The following CDK13 variants were observed in gnomAD, a reference collection of about 807,000 sequenced individuals.
CDK13 encodes cyclin dependent kinase 13.
CDK13 carries 40 observed loss-of-function variants against 137.6 expected under a neutral mutation model. The observed-to-expected ratio is 0.29, with a 90% CI of 0.23 to 0.38. The LOEUF (loss-of-function observed/expected upper bound fraction) is 0.38, where lower values mean the gene tolerates loss of function less well. Ranked by LOEUF, CDK13 falls within the 10% of genes least tolerant of loss-of-function variation. The pLI, the probability that CDK13 is intolerant of heterozygous loss-of-function variation, is 1.00. For missense variants in CDK13, 1,704 were observed against 1,951.8 expected, an observed-to-expected ratio of 0.87 and a Z score of 2.39; for synonymous variants, 869 against 760.1, an observed-to-expected ratio of 1.14 and a Z score of -2.36.
At chr7:39,971,151 T>C (rs932397540) in intron 1 of CDK13, among the ~76,000 whole-genome samples, 1 of 152,268 alleles carries the variant, frequency 6.6e-6, no homozygotes, top group African/African-American at 2.4e-5. Context: ...TTTGTGGTTC[T>C]TAAGCACCTA....
chr7:39,987,655 G>A lies in CDK13; in HGVS notation c.1268G>A (p.Arg423His), dbSNP rs767946733. 1.1e-5 allele frequency: 17 copies of A among 1,612,476 alleles called. No individual in the cohort carries two copies. The South Asian group carries it at 1.7e-4, about 16-fold the overall frequency. Residue 423 changes from arginine (R) to histidine (H), a missense_variant, in exon 2 of 14, where the codon CGT (arginine) becomes CAT (histidine). Physicochemically the swap from Arg to His is conservative, Grantham distance 29. Transcript: ENST00000181839. ...TATTCATCTAGGCATTCAAGATCTC[G>A]TAGCAGGCACAGATTGTCTAGATCC... ...SPYSSRHSRS[R>H]SRHRLSRSRS...
At chr7:40,018,833 A>G (rs1018319327) in intron 5 of CDK13, among the ~76,000 whole-genome samples, 29 of 152,160 alleles carry the variant, frequency 1.9e-4, no homozygotes, top group African/African-American at 7.0e-4. Context: ...CTTCACCGCT[A>G]TACAATTCAT....
chr7:40,023,631 CT>C (rs1307374445), intron 5 of CDK13, among the ~76,000 whole-genome samples: 2 of 152,006 alleles, frequency 1.3e-5, no homozygotes, highest in Admixed American at 1.3e-4. Flanking sequence ...TTCAGAGTGG[CT>C]GGGACTGCAG....
chr7:40,049,062 G>T (rs977395777), intron 7 of CDK13: 2 of 146,904 alleles, frequency 1.4e-5, no homozygotes, highest in African/African-American at 5.5e-5. Flanking sequence ...GGGCTTGGTG[G>T]TGCACGCCTA....
intron 5 of CDK13, among the ~76,000 whole-genome samples, chr7:40,022,201 A>G (rs1583999949): frequency 6.6e-6 from 1 of 152,142 alleles, no homozygotes; most frequent in Non-Finnish European, 1.5e-5. Context: ...TTTGAGATAT[A>G]TATTTGGTTT....
intron 1 of CDK13, among the ~76,000 whole-genome samples, chr7:39,982,764 C>A (rs1784256230): frequency 6.6e-6 from 1 of 152,152 alleles, no homozygotes; most frequent in South Asian, 2.1e-4. Flanking sequence ...CTCTGATGGC[C>A]AGTGATGATG....
At chr7:39,955,147 C>T (rs890395676) in intron 1 of CDK13, among the ~76,000 whole-genome samples, 3 of 152,022 alleles carry the variant, frequency 2.0e-5, no homozygotes, top group Admixed American at 1.3e-4. Context: ...CTGACTGGCC[C>T]TATAATAAAT....
At chr7:40,003,153 T>TACACACACACACACACACACAC (rs71560157) in intron 5 of CDK13, among the ~76,000 whole-genome samples, 1 of 119,896 alleles carries the variant, frequency 8.3e-6, no homozygotes, top group African/African-American at 3.4e-5. Context: ...CTTCCCCAGC[T>TACACACACACACACACACACAC]ACACACACAC....
chr7:40,042,468 CT>C (rs1785629522), intron 5 of CDK13, among the ~76,000 whole-genome samples: 3 of 122,374 alleles, frequency 2.5e-5, no homozygotes, highest in Non-Finnish European at 5.0e-5. Context: ...TTGTCCTTTT[CT>C]TTTCTTTCTT....
intron 5 of CDK13, among the ~76,000 whole-genome samples, chr7:40,036,968 C>G (rs1277168037): frequency 1.3e-5 from 2 of 152,124 alleles, no homozygotes; most frequent in Admixed American, 6.5e-5. Flanking sequence ...GCATGTTATT[C>G]ATATTAATTA....
chr7:40,013,726 A>G (rs1352415030), intron 5 of CDK13, among the ~76,000 whole-genome samples: 1 of 152,206 alleles, frequency 6.6e-6, no homozygotes, highest in African/African-American at 2.4e-5. Flanking sequence ...CACTCAAACC[A>G]ATTGAACACT....
At chr7:40,080,339 T>G (rs1030324682) in intron 11 of CDK13, among the ~76,000 whole-genome samples, 1 of 152,134 alleles carries the variant, frequency 6.6e-6, no homozygotes, top group African/African-American at 2.4e-5. Flanking sequence ...AGCAAGCCTA[T>G]TATCTATAAT....
intron 5 of CDK13, among the ~76,000 whole-genome samples, chr7:40,003,258 T>A (rs944690381): frequency 6.7e-6 from 1 of 149,192 alleles, no homozygotes; most frequent in African/African-American, 2.5e-5. Context: ...TCAAAATGAT[T>A]GATAAACTAC....
intron 9 of CDK13, 121 bp from the exon 10 acceptor site, chr7:40,077,884 G>A (rs748215955): frequency 3.8e-6 from 2 of 529,418 alleles, no homozygotes; most frequent in Non-Finnish European, 6.7e-6. Context: ...AATAACAAAA[G>A]TTTTTATAGA....
At chr7:40,093,294 T>A in intron 13 of CDK13, 57 bp downstream of exon 13, 2 of 1,344,522 alleles carry the variant, frequency 1.5e-6, no homozygotes, top group African/African-American at 1.4e-5. Context: ...CTACTCAGTG[T>A]TGCTGACTAT....
At chr7:40,080,918 A>G (rs2150537815) in intron 11 of CDK13, among the ~76,000 whole-genome samples, 2 of 152,340 alleles carry the variant, frequency 1.3e-5, no homozygotes, top group Admixed American at 6.5e-5. Context: ...CATATAAAGC[A>G]TATGAAATTT....
At chr7:40,088,651 G>A (rs371375857) in intron 12 of CDK13, among the ~76,000 whole-genome samples, 18 of 152,280 alleles carry the variant, frequency 1.2e-4, no homozygotes, top group African/African-American at 3.8e-4. Context: ...AGCATTCAAT[G>A]TCTATAGATG....
In CDK13 at chr7:39,951,374, G is replaced by A; in HGVS notation, c.733G>A (p.Val245Ile). Reference protein sequence around the residue: ...HSHSGEERAEVAKSGSSSSSG... With the variant: ...HSHSGEERAEIAKSGSSSSSG... ...CCACAGCGGCGAGGAACGGGCCGAG[G>A]TCGCCAAGAGCGGCAGCAGCAGCAG... Residue 245 changes from valine (V) to isoleucine (I), a missense_variant, in exon 1 of 14, where the codon GTC becomes ATC. By Grantham distance (29) the Val-to-Ile change is conservative. Transcript: ENST00000181839. The A allele has an allele frequency of 6.6e-7, 1 of 1,517,474 alleles. No homozygotes were observed. Among genetic ancestry groups the A allele is most frequent in the Non-Finnish European group, 8.8e-7 (1 of 1,137,426 alleles). 94.0% of individuals were successfully genotyped at this position (1,517,474 alleles called of 1,614,324 possible).
In CDK13 at chr7:39,950,936, G is replaced by T; in HGVS notation, c.295G>T (p.Ala99Ser). 7.6e-7 allele frequency: 1 copy of T among 1,314,198 alleles called. No homozygotes were observed. Among genetic ancestry groups the T allele is most frequent in the Non-Finnish European group, 9.6e-7 (1 of 1,036,608 alleles). The allele number at this position is 1,314,198 out of a possible 1,614,324, so 81.4% of individuals were successfully genotyped here. A position where few individuals can be genotyped will look rare whatever the true frequency, so the allele number is the denominator to read the frequency against. Residue 99 changes from alanine (A) to serine (S), a missense_variant, in exon 1 of 14, where the codon GCA (alanine) becomes TCA (serine). Around this residue, in one of 5 missense-constraint regions of CDK13, gnomAD observed 1,051 missense variants for 931.0 expected, o/e 1.13. Transcript: ENST00000181839. ...GCGGCTGGCGAGAGGCAAGAGGCGC[G>T]CAGGAGGGCGGCAGAAGCGGCGTCG... ...VKRLARGKRR[A>S]GGRQKRRRGP...
Sources: gnomAD v4.1 joint callset for allele counts (sites outside exome capture counted in the v4.1 genomes callset) on GRCh38, gnomAD v4.1.1 for gene constraint, gnomAD v4.1.1 regional missense constraint, MANE v1.5 for transcripts, NCBI Gene and HGNC (gene_info 2026-07-23, HGNC 2026-07-21) for gene names.